BPNT2: variants seen among roughly 807,000 people sequenced by gnomAD.
The protein encoded by BPNT2 is Golgi-resident adenosine 3',5'-bisphosphate 3'-phosphatase.
Under a neutral mutation model 29.3 loss-of-function variants are expected in BPNT2, and 11 were observed. The ratio of observed to expected loss-of-function variants is 0.38; its 90% confidence interval spans 0.24 to 0.62. BPNT2 has a LOEUF of 0.62. Ranked by LOEUF, BPNT2 falls within the 20% of genes least tolerant of loss-of-function variation. The pLI, the probability that BPNT2 is intolerant of heterozygous loss-of-function variation, is 0.62. For missense variants in BPNT2, 459 were observed against 473.4 expected (o/e 0.97, Z 0.28); for synonymous variants, 195 against 187.7 (o/e 1.04, Z -0.32).
intron 3 of BPNT2, among the ~76,000 whole-genome samples, chr8:56,973,511 C>G (rs1806071120): frequency 6.6e-6 from 1 of 152,128 alleles, no homozygotes; most frequent in African/African-American, 2.4e-5. Context: ...CATGTCTCCA[C>G]AAGATTTACA....
Position 56,993,616 on chromosome 8 carries a change from GC to G in BPNT2, c.-32del, listed in dbSNP as rs1464264683. The G allele has an allele frequency of 7.3e-7, 1 of 1,369,894 alleles. No homozygotes were observed. Among genetic ancestry groups the G allele is most frequent in the Non-Finnish European group, 9.5e-7 (1 of 1,056,378 alleles). The allele number at this position is 1,369,894 out of a possible 1,614,324, so 84.9% of individuals were successfully genotyped here. A position where few individuals can be genotyped will look rare whatever the true frequency, so the allele number is the denominator to read the frequency against. On this transcript the variant is annotated 5_prime_UTR_variant, in exon 1 of 5. Transcript: ENST00000262644. ...GGGAAGCCGGGCGCTCCGGGCTGCG[GC>G]TCTCACAGGCCTCCAGCGCCCGCCG...
intron 1 of BPNT2, among the ~76,000 whole-genome samples, chr8:56,985,447 C>A (rs1226322002): frequency 6.6e-6 from 1 of 152,148 alleles, no homozygotes; most frequent in Non-Finnish European, 1.5e-5. Flanking sequence ...CTACTAACAG[C>A]CCTGGCCAAT....
intron 4 of BPNT2, chr8:56,964,468 T>G (rs1435206411): frequency 1.8e-5 from 3 of 167,188 alleles, no homozygotes; most frequent in Non-Finnish European, 2.6e-5. Context: ...CCTGCTAAAT[T>G]TTTTTGTATT....
chr8:56,993,259 G>A lies in BPNT2; in HGVS notation c.327C>T (p.Gly109=), dbSNP rs1341483125. 5 of 1,609,626 alleles carry A rather than the reference G, an allele frequency of 3.1e-6. No individual in the cohort carries two copies. Among genetic ancestry groups the A allele is most frequent in the Non-Finnish European group, 4.2e-6 (5 of 1,179,898 alleles). ...REGAEDKMTS[G]DVLSNRKMFY... Reference sequence around the variant, plus strand: ...ACATCTTGCGGTTGGACAGCACGTCGCCGCTGGTCATCTTGTCCTCGGCTC... The same window carrying A: ...ACATCTTGCGGTTGGACAGCACGTCACCGCTGGTCATCTTGTCCTCGGCTC... The change falls in exon 1 of 5, where the codon GGC becomes GGT. Residue 109 remains glycine (G), a synonymous_variant. Coordinates refer to ENST00000262644, the MANE Select transcript of BPNT2 (RefSeq NM_017813.5).
intron 1 of BPNT2, among the ~76,000 whole-genome samples, chr8:56,987,165 C>T (rs1435110427): frequency 6.6e-6 from 1 of 152,140 alleles, no homozygotes; most frequent in Non-Finnish European, 1.5e-5. Flanking sequence ...CTGGTTAATG[C>T]CTTAAGAAGG....
At chr8:56,978,703 C>T (rs1481606073) in intron 2 of BPNT2, among the ~76,000 whole-genome samples, 2 of 151,656 alleles carry the variant, frequency 1.3e-5, no homozygotes, top group African/African-American at 2.4e-5. Context: ...CCGTGCAATA[C>T]TATGCAGCCA....
intron 1 of BPNT2, among the ~76,000 whole-genome samples, chr8:56,985,903 C>T (rs112828132): frequency 3.9e-5 from 6 of 152,188 alleles, no homozygotes; most frequent in East Asian, 3.8e-4. Flanking sequence ...AATGTGAATG[C>T]GCATCACTTT....
chr8:56,969,222 C>T (rs1299533238), intron 3 of BPNT2, among the ~76,000 whole-genome samples: 1 of 152,086 alleles, frequency 6.6e-6, no homozygotes, highest in Non-Finnish European at 1.5e-5. Flanking sequence ...TACGACAGCC[C>T]GAGGAAACTA....
At chr8:56,969,126 C>T (rs1805993624) in intron 3 of BPNT2, among the ~76,000 whole-genome samples, 1 of 152,144 alleles carries the variant, frequency 6.6e-6, no homozygotes, top group South Asian at 2.1e-4. Context: ...AAAGTATGGC[C>T]CCACTGACTC....
chr8:56,972,357 C>T (rs1049585714), intron 3 of BPNT2, among the ~76,000 whole-genome samples: 2 of 150,928 alleles, frequency 1.3e-5, no homozygotes, highest in Non-Finnish European at 2.9e-5. Flanking sequence ...GCTTGATATA[C>T]ACCACAGATT....
In BPNT2 at chr8:56,968,344, G is replaced by A. The variant is rs141371618; in HGVS notation, c.647-1992C>T. On this transcript the variant is annotated intron_variant, in intron 3 of 4. Transcript: ENST00000262644. ...CAATGAGAAAAGCAAAAAGGAAAGTGAAACAAGTAAACAGATAAAAGGGAT... is the reference window on the plus strand; with the variant it reads ...CAATGAGAAAAGCAAAAAGGAAAGTAAAACAAGTAAACAGATAAAAGGGAT... Among the ~76,000 whole-genome samples the A allele has an allele frequency of 3.5e-5, 5 of 142,810 alleles. No homozygotes were observed. In the East Asian group the frequency reaches 1.0e-3, roughly 30 times the overall value. 93.7% of individuals were successfully genotyped at this position (142,810 alleles called of 152,430 possible).
intron 1 of BPNT2, among the ~76,000 whole-genome samples, chr8:56,989,767 A>C (rs551550429): frequency 7.9e-5 from 12 of 152,340 alleles, no homozygotes; most frequent in African/African-American, 2.9e-4. Flanking sequence ...GACTAGGTCC[A>C]AATTCCTTTG....
intron 3 of BPNT2, among the ~76,000 whole-genome samples, chr8:56,970,504 G>A (rs957455425): frequency 9.2e-5 from 14 of 152,150 alleles, no homozygotes; most frequent in African/African-American, 3.4e-4. Context: ...CCTAGGGGTT[G>A]TTCTAGATTA....
chr8:56,990,591 G>A (rs1035259515), intron 1 of BPNT2, among the ~76,000 whole-genome samples: 1 of 152,136 alleles, frequency 6.6e-6, no homozygotes, highest in African/African-American at 2.4e-5. Context: ...TCTGGAGTAT[G>A]ATTCCTCAAC....
intron 4 of BPNT2, chr8:56,964,329 C>T (rs560614002): frequency 3.0e-5 from 9 of 299,988 alleles, no homozygotes; most frequent in African/African-American, 1.1e-4. Flanking sequence ...GACAGAGTCT[C>T]GCTCTGTCAC....
Position 56,963,568 on chromosome 8 carries a change from G to A in BPNT2, c.*225C>T, listed in dbSNP as rs1805880822. On this transcript the variant is annotated 3_prime_UTR_variant, in exon 5 of 5. Coordinates refer to ENST00000262644, the MANE Select transcript of BPNT2 (RefSeq NM_017813.5). ...TGCGCCTTGTGTATGACAACTGTAT[G>A]AAAATAGTCTCAAAAATAAAGACAA... 6 of 552,704 alleles carry A rather than the reference G, an allele frequency of 1.1e-5. No individual in the cohort carries two copies. In the South Asian group the frequency reaches 1.4e-4, roughly 13 times the overall value. The allele number at this position is 552,704 out of a possible 1,614,324, so 34.2% of individuals were successfully genotyped here.
At chr8:56,988,620 C>T (rs1001122284) in intron 1 of BPNT2, among the ~76,000 whole-genome samples, 1 of 152,178 alleles carries the variant, frequency 6.6e-6, no homozygotes, top group African/African-American at 2.4e-5. Flanking sequence ...TATATTCTCT[C>T]CCTAACCAAT....
chr8:56,988,504 C>T (rs1032425215), intron 1 of BPNT2, among the ~76,000 whole-genome samples: 2 of 152,228 alleles, frequency 1.3e-5, no homozygotes, highest in African/African-American at 4.8e-5. Context: ...CAGTGCTTAA[C>T]ACAGAGTAAG....
chr8:56,975,113 T>C (rs1806111089), intron 3 of BPNT2, among the ~76,000 whole-genome samples: 1 of 152,148 alleles, frequency 6.6e-6, no homozygotes, highest in Non-Finnish European at 1.5e-5. Flanking sequence ...ATATCTAGGG[T>C]AGACCTTTTG....
Sources: allele counts gnomAD v4.1 joint callset (sites outside exome capture counted in the v4.1 genomes callset), GRCh38; gene constraint gnomAD v4.1.1; transcripts MANE v1.5; gene names NCBI Gene and HGNC (gene_info 2026-07-23, HGNC 2026-07-21).